PLCE1: variants seen among roughly 807,000 people sequenced by gnomAD.
The protein encoded by PLCE1 is 1-phosphatidylinositol 4,5-bisphosphate phosphodiesterase epsilon-1.
In PLCE1, 119 loss-of-function variants were observed where a neutral mutation model predicts 242.8. That is an observed-to-expected ratio of 0.49 (90% CI 0.42 to 0.57). The LOEUF is 0.57. PLCE1 is among the 20% of genes least tolerant of loss of function. PLCE1 has a pLI of 0.00. For missense variants in PLCE1, 2,441 were observed against 2,788.8 expected, an observed-to-expected ratio of 0.88 and a Z score of 2.81; for synonymous variants, 945 against 1,017.4, an observed-to-expected ratio of 0.93 and a Z score of 1.35.
chr10:94,137,780 G>T (rs937946148), intron 3 of PLCE1: 4 of 194,056 alleles, frequency 2.1e-5, no homozygotes, highest in Admixed American at 6.0e-5. Flanking sequence ...CAGGAGGAAA[G>T]TCTGTTACTA....
chr10:94,158,647 G>A (rs963747279), intron 3 of PLCE1, among the ~76,000 whole-genome samples: 11 of 152,024 alleles, frequency 7.2e-5, no homozygotes, highest in Middle Eastern at 3.4e-3. Context: ...AAGAGCCATC[G>A]AAAATCTAAT....
chr10:94,141,464 G>A (rs1429339583), intron 3 of PLCE1, among the ~76,000 whole-genome samples: 1 of 151,910 alleles, frequency 6.6e-6, no homozygotes, highest in African/African-American at 2.4e-5. Flanking sequence ...AGAGGGAGAG[G>A]GAGAGGGAGG....
At chr10:94,179,512 G>GTTTTTTTTTTTTTTTTTTTT (rs1554877545) in intron 4 of PLCE1, among the ~76,000 whole-genome samples, 475 of 19,232 alleles carry the variant, frequency 0.025, 37 homozygotes, top group Middle Eastern at 0.071. Flanking sequence ...TTTTAGTTTA[G>GTTTTTTTTTTTTTTTTTTTT]TTTTTTTTTT....
chr10:94,122,533 G>C (rs560195845), intron 2 of PLCE1, among the ~76,000 whole-genome samples: 3 of 152,154 alleles, frequency 2.0e-5, no homozygotes, highest in Non-Finnish European at 4.4e-5. Flanking sequence ...TACAGCCATG[G>C]GGAATGTCTG....
chr10:94,234,026 T>C (rs374567860), intron 5 of PLCE1, 28 bp from the exon 6 acceptor site: 100 of 1,594,670 alleles, frequency 6.3e-5, no homozygotes, highest in Non-Finnish European at 8.4e-5. Flanking sequence ...TCTCCTTCAG[T>C]CTGAAAAATG....
chr10:94,233,271 A>G (rs549413336), intron 5 of PLCE1, among the ~76,000 whole-genome samples: 236 of 152,332 alleles, frequency 1.5e-3, no homozygotes, highest in African/African-American at 5.2e-3. Context: ...TGGTGGCTTC[A>G]TGTCAAAGCT....
chr10:94,197,982 CAAAAAAAAAA>C (rs3053181), intron 4 of PLCE1, among the ~76,000 whole-genome samples: 129 of 58,354 alleles, frequency 2.2e-3, no homozygotes, highest in Non-Finnish European at 3.1e-3. Context: ...GACTCTGTCT[CAAAAAAAAAA>C]AAAAAAAAAA....
At chr10:94,265,546 C>A (rs2051483576) in intron 14 of PLCE1, 101 bp from the exon 15 acceptor site, 2 of 1,027,400 alleles carry the variant, frequency 1.9e-6, no homozygotes, top group Admixed American at 1.7e-5. Context: ...TTAGATGTTT[C>A]CTGATGAAAA....
rs1411735805 is a variant in PLCE1, at chr10:94,089,435, G to A, written c.1207-42739G>A. 7 of 1,391,956 alleles carry A rather than the reference G, an allele frequency of 5.0e-6. No individual in the cohort carries two copies. In the African/African-American group the frequency reaches 8.7e-5, roughly 17 times the overall value. The allele number at this position is 1,391,956 out of a possible 1,614,324, so 86.2% of individuals were successfully genotyped here. On this transcript the variant is annotated intron_variant, in intron 2 of 32. Coordinates refer to ENST00000371380, the MANE Select transcript of PLCE1 (RefSeq NM_016341.4). ...TGTTCTTAATGCATGGAATCCTGGG[G>A]ACTGTTTCTTTACTAGCACCATTGT...
At position 94,298,705 on chromosome 10, in the gene PLCE1, T is replaced by A. The variant is rs1430639337; in HGVS notation, c.5458+36T>A. On this transcript the variant is annotated intron_variant, in intron 24 of 32. Transcript: ENST00000371380. The surrounding 1 kb of genome is among the most constrained non-coding windows in gnomAD (Gnocchi z 5.2). ...TGCATGCTCACCTCGCTCCTTTGCA[T>A]CTTACATTTCAGTAAATGCAGTTTG... 1.9e-6 allele frequency: 3 copies of A among 1,610,804 alleles called. No individual in the cohort carries two copies.
intron 4 of PLCE1, among the ~76,000 whole-genome samples, chr10:94,226,829 G>T (rs2049956125): frequency 1.1e-5 from 1 of 87,726 alleles, no homozygotes; most frequent in Middle Eastern, 7.7e-3. Flanking sequence ...GGACCTATAG[G>T]TCTTTTTTTT....
intron 7 of PLCE1, among the ~76,000 whole-genome samples, chr10:94,236,775 C>A (rs907415087): frequency 6.6e-6 from 1 of 152,092 alleles, no homozygotes; most frequent in East Asian, 1.9e-4. Flanking sequence ...TAGTGGCAAT[C>A]TATATATAGA....
intron 2 of PLCE1, among the ~76,000 whole-genome samples, chr10:94,071,642 G>T (rs1237281082): frequency 2.0e-5 from 3 of 151,546 alleles, no homozygotes; most frequent in Admixed American, 6.6e-5. Flanking sequence ...GGGACTACAG[G>T]TGCATGCCAC....
intron 2 of PLCE1, among the ~76,000 whole-genome samples, chr10:94,070,309 A>C (rs1564661798): frequency 6.6e-6 from 1 of 152,230 alleles, no homozygotes; most frequent in African/African-American, 2.4e-5. Flanking sequence ...TTTTCTTATT[A>C]ATAGAGGATC....
At chr10:94,094,184 G>A (rs1017886043) in intron 2 of PLCE1, among the ~76,000 whole-genome samples, 5 of 148,522 alleles carry the variant, frequency 3.4e-5, no homozygotes, top group African/African-American at 7.8e-5. Context: ...CTCGTGATCC[G>A]CCCGCCTCGG....
At chr10:94,042,200 GA>G (rs1244809886) in intron 2 of PLCE1, among the ~76,000 whole-genome samples, 2 of 152,122 alleles carry the variant, frequency 1.3e-5, no homozygotes, top group Non-Finnish European at 2.9e-5. Context: ...GATTTGGAAT[GA>G]ATCTTGTGAC....
intron 1 of PLCE1, among the ~76,000 whole-genome samples, chr10:94,005,583 T>G (rs1334707151): frequency 6.6e-6 from 1 of 152,172 alleles, no homozygotes; most frequent in East Asian, 1.9e-4. Context: ...ACACCAATGA[T>G]TCTAAGCCTC....
chr10:94,111,123 C>T (rs2045942345), intron 2 of PLCE1, among the ~76,000 whole-genome samples: 1 of 152,194 alleles, frequency 6.6e-6, no homozygotes, highest in African/African-American at 2.4e-5. Context: ...AGTGGGTATT[C>T]AGTTGTACAC....
intron 2 of PLCE1, among the ~76,000 whole-genome samples, chr10:94,077,624 C>T (rs1458309121): frequency 6.6e-6 from 1 of 151,996 alleles, no homozygotes; most frequent in African/African-American, 2.4e-5. Flanking sequence ...ATAAATTAGC[C>T]GGGCATGATG....
Sources: gnomAD v4.1 joint callset for allele counts (sites outside exome capture counted in the v4.1 genomes callset) on GRCh38, gnomAD v4.1.1 for gene constraint, Gnocchi (gnomAD v3.1) non-coding constraint, MANE v1.5 for transcripts, NCBI Gene and HGNC (gene_info 2026-07-23, HGNC 2026-07-21) for gene names.